The following APOOL variants were observed in gnomAD, a reference collection of about 807,000 sequenced individuals.
APOOL encodes the protein apolipoprotein O like, also known as MICOS complex subunit MIC27.
APOOL carries 12 observed loss-of-function variants against 23.1 expected under a neutral mutation model. The observed-to-expected ratio is 0.52, with a 90% CI of 0.33 to 0.84. The LOEUF is 0.84. Among genes scored for constraint, APOOL ranks in the 40% least tolerant of loss-of-function variants. The pLI is 0.02. For missense variants in APOOL, 212 were observed against 199.6 expected (o/e 1.06, Z -0.37); for synonymous variants, 77 against 69.9 (o/e 1.10, Z -0.51).
chrX:85,032,381 G>T (rs996211437), intron 1 of APOOL, among the ~76,000 whole-genome samples: 2 of 111,205 alleles, frequency 1.8e-5, no homozygotes, highest in African/African-American at 6.5e-5. Context: ...GGGCGTGGTG[G>T]CACATGCCTG....
intron 1 of APOOL, among the ~76,000 whole-genome samples, chrX:85,036,271 C>A (rs138016978): frequency 1.8e-5 from 2 of 111,671 alleles, no homozygotes; most frequent in Non-Finnish European, 3.8e-5. Flanking sequence ...TAAGTTGGCT[C>A]TCTACCTGGA....
At chrX:85,058,616 T>C (rs1923064031) in intron 5 of APOOL, among the ~76,000 whole-genome samples, 1 of 111,669 alleles carries the variant, frequency 9.0e-6, no homozygotes. Context: ...GGTCAAATGG[T>C]ATTTCCGGTT....
chrX:85,024,044 G>C (rs1450804012), intron 1 of APOOL, among the ~76,000 whole-genome samples: 2 of 111,743 alleles, frequency 1.8e-5, no homozygotes, highest in Non-Finnish European at 3.8e-5. Context: ...TGAAGTCTCA[G>C]ATATCCCTGC....
chrX:85,051,990 A>G (rs947693821), intron 3 of APOOL, among the ~76,000 whole-genome samples: 1 of 112,123 alleles, frequency 8.9e-6, no homozygotes, highest in African/African-American at 3.2e-5. Flanking sequence ...AGTCACTTCT[A>G]CAGCATTCTA....
At chrX:85,040,999 T>C (rs1261167709) in intron 1 of APOOL, among the ~76,000 whole-genome samples, 1 of 112,123 alleles carries the variant, frequency 8.9e-6, no homozygotes. Flanking sequence ...TTCTTTTTCA[T>C]GTGTGGGCTG....
rs1484006088 is a variant in APOOL at position 85,051,394 on chromosome X, CATAT to C, written c.130_133del (p.Tyr44LeufsTer42). 1 of 1,207,812 alleles carries C rather than the reference CATAT, an allele frequency of 8.3e-7. No homozygotes were observed. The highest frequency in any genetic ancestry group is 1.8e-5 in the African/African-American group (1 of 56,826). ...TGAACATTTTTTGCCTGTAGCTCCC[CATAT>C]ATACTGCACCACCGCTCCAGTCTAA... On this transcript the variant is annotated frameshift_variant, in exon 3 of 9. Coordinates refer to ENST00000373173, the MANE Select transcript of APOOL (RefSeq NM_198450.6). LOFTEE classifies it high-confidence loss of function.
chrX:85,077,646 T>C (rs1168487945), intron 8 of APOOL, among the ~76,000 whole-genome samples: 3 of 111,645 alleles, frequency 2.7e-5, no homozygotes, highest in African/African-American at 9.8e-5. Flanking sequence ...CTGGGTCAAA[T>C]GGTATTTCTA....
In APOOL at chrX:85,007,963, C is replaced by T. The variant is rs184536527; in HGVS notation, c.15+4036C>T. ...AACTGAAATAGATCAGTAAGGAAAT[C>T]GAAACTGTAATGATAGGAGGTTGCA... On this transcript the variant is annotated intron_variant, in intron 1 of 8. Coordinates refer to ENST00000373173, the MANE Select transcript of APOOL (RefSeq NM_198450.6). Among the ~76,000 whole-genome samples the T allele has an allele frequency of 4.5e-5, 5 of 111,249 alleles. No individual in the cohort carries two copies. In the East Asian group the frequency reaches 1.1e-3, roughly 25 times the overall value.
chrX:85,042,163 A>T (rs1004322169), intron 1 of APOOL, among the ~76,000 whole-genome samples: 5 of 112,249 alleles, frequency 4.5e-5, no homozygotes, highest in African/African-American at 1.6e-4. Context: ...GATCAATGAA[A>T]CAAAACGTTG....
intron 1 of APOOL, among the ~76,000 whole-genome samples, chrX:85,020,641 G>C (rs1921631105): frequency 9.0e-6 from 1 of 111,259 alleles, no homozygotes. Flanking sequence ...CTCAGGTTCT[G>C]GACTGTCCTC....
At position 85,055,869 on chromosome X, in the gene APOOL, C is replaced by A; in HGVS notation, c.338C>A (p.Pro113Gln). The change falls in exon 5 of 9, where the codon CCG (proline) becomes CAG (glutamine). Residue 113 changes from proline to glutamine, a missense_variant. Transcript: ENST00000373173. ...YLKNPPRDFL[P>Q]KMGVITVSGL... ...AAGAATCCTCCTCGAGATTTTCTTC[C>A]GAAAATGGGAGTTATTACAGTTTCA... 6.7e-6 allele frequency: 8 copies of A among 1,199,844 alleles called. No homozygotes were observed. The highest frequency in any genetic ancestry group is 6.7e-6 in the Non-Finnish European group (6 of 890,573).
intron 1 of APOOL, among the ~76,000 whole-genome samples, chrX:85,045,229 A>T (rs1001170649): frequency 1.1e-4 from 12 of 111,542 alleles, no homozygotes; most frequent in Non-Finnish European, 3.8e-5. Context: ...TGTTTCCTGT[A>T]CTAGAAGGAG....
At chrX:85,017,518 C>T (rs1001761480) in intron 1 of APOOL, among the ~76,000 whole-genome samples, 2 of 111,603 alleles carry the variant, frequency 1.8e-5, no homozygotes, top group East Asian at 5.6e-4. Context: ...CAGCAGTTCC[C>T]GTTCACACCC....
intron 1 of APOOL, among the ~76,000 whole-genome samples, chrX:85,007,842 T>C (rs1462672892): frequency 8.9e-6 from 1 of 112,221 alleles, no homozygotes; most frequent in Non-Finnish European, 1.9e-5. Context: ...TATTGAGGAC[T>C]TACTGTGTAT....
intron 8 of APOOL, among the ~76,000 whole-genome samples, chrX:85,079,148 A>T (rs1298213937): frequency 9.0e-6 from 1 of 111,565 alleles, no homozygotes. Context: ...GTGGTGAGAG[A>T]GGGCACCCCT....
chrX:85,035,430 G>T (rs1219340564), intron 1 of APOOL, among the ~76,000 whole-genome samples: 2 of 110,641 alleles, frequency 1.8e-5, no homozygotes, highest in Non-Finnish European at 3.8e-5. Flanking sequence ...AGTTTCTTTT[G>T]CTGTGCACAT....
chrX:85,007,453 A>G (rs1967470503), intron 1 of APOOL, among the ~76,000 whole-genome samples: 1 of 111,724 alleles, frequency 9.0e-6, no homozygotes, highest in Middle Eastern at 4.6e-3. Flanking sequence ...AGAAAGAAGA[A>G]CTAGTTCAAA....
intron 2 of APOOL, 30 bp downstream of exon 2, chrX:85,046,580 T>G (rs372721487): frequency 9.3e-7 from 1 of 1,070,117 alleles, no homozygotes. Context: ...TTATGAACTT[T>G]GTATAATATC....
chrX:85,054,465 A>G lies in APOOL; in HGVS notation c.295+67A>G, dbSNP rs1922891015. ...AATTGCATTGTTTAAATGTGAGAAA[A>G]ATAAACTTGGTATGTTACCCATTAT... On this transcript the variant is annotated intron_variant, in intron 4 of 8. Coordinates refer to ENST00000373173, the MANE Select transcript of APOOL (RefSeq NM_198450.6). The G allele has an allele frequency of 3.1e-6, 3 of 978,983 alleles. No individual in the cohort carries two copies. In the Admixed American group the frequency reaches 9.1e-5, roughly 30 times the overall value. 80.7% of individuals were successfully genotyped at this position (978,983 alleles called of 1,213,427 possible).
Sources: gnomAD v4.1 joint callset for allele counts (sites outside exome capture counted in the v4.1 genomes callset) on GRCh38, gnomAD v4.1.1 for gene constraint, MANE v1.5 for transcripts, NCBI Gene and HGNC (gene_info 2026-07-23, HGNC 2026-07-21) for gene names.